The following TMPRSS9 variants were observed in gnomAD, a reference collection of about 807,000 sequenced individuals.
The protein encoded by TMPRSS9 is transmembrane serine protease 9, also known as transmembrane protease serine 9.
TMPRSS9 carries 113 observed loss-of-function variants against 111.4 expected under a neutral mutation model. The observed-to-expected ratio is 1.01, with a 90% confidence interval of 0.87 to 1.19. The LOEUF (loss-of-function observed/expected upper bound fraction) is 1.19, where lower values mean the gene tolerates loss of function less well. TMPRSS9 is among the 50% of genes most tolerant of loss of function. The probability of loss-of-function intolerance (pLI) is 0.00; values close to 1 mark genes in which losing one functional copy is unlikely to be tolerated. For synonymous variants in TMPRSS9, 805 were observed against 659.1 expected (o/e 1.22, Z -3.39); for missense variants, 1,803 against 1,513.1 (o/e 1.19, Z -3.18).
At chr19:2,424,800 A>G (rs1427905020) in intron 15 of TMPRSS9, among the ~76,000 whole-genome samples, 1 of 151,966 alleles carries the variant, frequency 6.6e-6, no homozygotes, top group East Asian at 1.9e-4. Flanking sequence ...CAGAGCGCTC[A>G]TATTAGGTGG....
At chr19:2,380,439 TAA>T in intron 1 of TMPRSS9, among the ~76,000 whole-genome samples, 1 of 141,734 alleles carries the variant, frequency 7.1e-6, no homozygotes, top group African/African-American at 2.6e-5. Flanking sequence ...CTACTAAAAA[TAA>T]AAAAAAAAAA....
At chr19:2,401,171 C>T (rs991762737) in intron 4 of TMPRSS9, among the ~76,000 whole-genome samples, 5 of 151,068 alleles carry the variant, frequency 3.3e-5, no homozygotes, top group South Asian at 4.2e-4. Flanking sequence ...CTGCTTGGGA[C>T]GCTGAGGCAG....
intron 15 of TMPRSS9, 56 bp downstream of exon 16, chr19:2,424,313 G>T: frequency 7.7e-7 from 1 of 1,293,508 alleles, no homozygotes; most frequent in East Asian, 2.9e-5. Context: ...ACCCGGAACC[G>T]AACTGTTGCC....
intron 1 of TMPRSS9, among the ~76,000 whole-genome samples, chr19:2,379,649 C>CTTTCTT (rs1568170823): frequency 6.7e-6 from 1 of 149,112 alleles, no homozygotes; most frequent in East Asian, 2.0e-4. Flanking sequence ...TTCTTTCTTT[C>CTTTCTT]TTTCTTTCTT....
At chr19:2,369,780 C>G (rs1460407441) in intron 1 of TMPRSS9, among the ~76,000 whole-genome samples, 2 of 151,720 alleles carry the variant, frequency 1.3e-5, no homozygotes, top group Non-Finnish European at 2.9e-5. Flanking sequence ...ACTTGAAACA[C>G]CTCCTGTTTA....
chr19:2,374,550 G>A (rs776133174), intron 1 of TMPRSS9, among the ~76,000 whole-genome samples: 2 of 151,918 alleles, frequency 1.3e-5, no homozygotes, highest in Non-Finnish European at 2.9e-5. Context: ...CTCCAGCCTG[G>A]AGACAGAGCG....
intron 11 of TMPRSS9, 141 bp from the exon 13 acceptor site, chr19:2,416,397 C>T (rs1248750244): frequency 5.2e-6 from 6 of 1,143,598 alleles, no homozygotes; most frequent in African/African-American, 1.6e-5. Context: ...GTCCTCCTCC[C>T]TGGAGCCGAA....
rs747763355 is a variant in TMPRSS9, at chr19:2,425,969, C to G, written c.3163C>G (p.Arg1055Gly). 2 of 1,606,852 alleles carry G rather than the reference C, an allele frequency of 1.2e-6. No homozygotes were observed. Among genetic ancestry groups the G allele is most frequent in the South Asian group, 1.1e-5 (1 of 90,392 alleles). ...CCTGGCCTGCAGGGAGCCCTCTGGA[C>G]GGTGGGTGCTAACTGGGGTCACTAG... The change falls in exon 18 of 18, where the codon CGG becomes GGG. Residue 1055 changes from arginine (R) to glycine (G), a missense_variant. By Grantham distance (125) the Arg-to-Gly change is moderately radical. Coordinates refer to ENST00000648592, the Ensembl canonical transcript of TMPRSS9.
chr19:2,392,886 C>A (rs1256639127), intron 1 of TMPRSS9, among the ~76,000 whole-genome samples: 1 of 151,578 alleles, frequency 6.6e-6, no homozygotes, highest in Non-Finnish European at 1.5e-5. Context: ...GCAAATGCAC[C>A]AATCGCACCA....
intron 1 of TMPRSS9, among the ~76,000 whole-genome samples, chr19:2,368,831 C>T (rs1306600878): frequency 5.4e-5 from 7 of 128,788 alleles, no homozygotes; most frequent in Admixed American, 9.5e-5. Flanking sequence ...GTCGCCCAGG[C>T]TGGAGCACAG....
At position 2,425,933 on chromosome 19, in the gene TMPRSS9, G is replaced by A. The variant is rs1210671414; in HGVS notation, c.3127G>A (p.Ala1043Thr). Reference sequence around the variant, plus strand: ...TTTCTTCTCTCCCCAACAGGGTGACGCTGGGGGACCCCTGGCCTGCAGGGA... The same window carrying A: ...TTTCTTCTCTCCCCAACAGGGTGACACTGGGGGACCCCTGGCCTGCAGGGA... Residue 1043 changes from alanine (A) to threonine (T), a missense_variant, in exon 18 of 18, where the codon GCT becomes ACT. Coordinates refer to ENST00000648592, the Ensembl canonical transcript of TMPRSS9. 3.8e-6 allele frequency: 6 copies of A among 1,594,522 alleles called. No homozygotes were observed. The East Asian group carries it at 9.1e-5, about 24-fold the overall frequency.
At chr19:2,360,888 G>A (rs1201689737) in intron 1 of TMPRSS9, among the ~76,000 whole-genome samples, 1 of 150,592 alleles carries the variant, frequency 6.6e-6, no homozygotes, top group Non-Finnish European at 1.5e-5. Context: ...GGTAGATGCC[G>A]CCAGGGTGTG....
chr19:2,424,500 T>C (rs906998894), intron 15 of TMPRSS9, among the ~76,000 whole-genome samples: 1 of 144,878 alleles, frequency 6.9e-6, no homozygotes, highest in Non-Finnish European at 1.5e-5. Flanking sequence ...GGCCGAGTCC[T>C]ACCCCGCGGT....
upstream of TMPRSS9, among the ~76,000 whole-genome samples, chr19:2,389,263 T>C (rs7507508): frequency 0.63 from 94,439 of 149,840 alleles, 30,271 homozygotes; most frequent in African/African-American, 0.73. Flanking sequence ...TTAGTAGAGA[T>C]GGGGTTTCAC....
At chr19:2,396,769 C>G in intron 2 of TMPRSS9, 103 bp downstream of exon 3, 2 of 1,452,910 alleles carry the variant, frequency 1.4e-6, no homozygotes, top group Non-Finnish European at 1.8e-6. Flanking sequence ...CCACAGGCAA[C>G]GAAGCTGAGG....
At chr19:2,363,914 A>T (rs180763611) in intron 1 of TMPRSS9, among the ~76,000 whole-genome samples, 29 of 151,656 alleles carry the variant, frequency 1.9e-4, no homozygotes, top group East Asian at 1.8e-3. Context: ...GGGCATGCTG[A>T]TATTAGCTGG....
At chr19:2,373,738 G>A (rs748939571) in intron 1 of TMPRSS9, among the ~76,000 whole-genome samples, 4 of 152,282 alleles carry the variant, frequency 2.6e-5, no homozygotes, top group South Asian at 2.1e-4. Context: ...GGCCTCAAGC[G>A]ATCCACCCGC....
At chr19:2,392,089 C>G (rs1169892521) in intron 1 of TMPRSS9, among the ~76,000 whole-genome samples, 1 of 152,050 alleles carries the variant, frequency 6.6e-6, no homozygotes, top group African/African-American at 2.4e-5. Context: ...TGGCTCCTGC[C>G]TGTAATCCCA....
At chr19:2,403,334 A>AG in intron 6 of TMPRSS9, 139 bp downstream of exon 7, 2 of 696,060 alleles carry the variant, frequency 2.9e-6, no homozygotes, top group East Asian at 5.6e-5. Flanking sequence ...GAGAAAAGAA[A>AG]GGGGCACCCA....
Sources: gnomAD v4.1 joint callset for allele counts (sites outside exome capture counted in the v4.1 genomes callset) on GRCh38, gnomAD v4.1.1 for gene constraint, MANE v1.5 for transcripts, NCBI Gene and HGNC (gene_info 2026-07-23, HGNC 2026-07-21) for gene names.